The following PDE1C variants were observed in gnomAD, a reference collection of about 807,000 sequenced individuals.
PDE1C encodes phosphodiesterase 1C, also known as dual specificity calcium/calmodulin-dependent 3',5'-cyclic nucleotide phosphodiesterase 1C.
In PDE1C, 62 loss-of-function variants were observed where a neutral mutation model predicts 93.1. The ratio of observed to expected loss-of-function variants is 0.67; its 90% confidence interval spans 0.54 to 0.82. The LOEUF (loss-of-function observed/expected upper bound fraction) is 0.82, where lower values mean the gene tolerates loss of function less well. PDE1C is among the 40% of genes least tolerant of loss of function. PDE1C has a pLI of 0.00. For missense variants in PDE1C, 742 were observed against 884.6 expected, an observed-to-expected ratio of 0.84 and a Z score of 2.04; for synonymous variants, 325 against 310.1, an observed-to-expected ratio of 1.05 and a Z score of -0.50.
chr7:32,146,047 A>G (rs1268113499), intron 3 of PDE1C, among the ~76,000 whole-genome samples: 1 of 152,184 alleles, frequency 6.6e-6, no homozygotes, highest in African/African-American at 2.4e-5. Flanking sequence ...GGTAGTTAGC[A>G]TGGGGGAACT....
intron 3 of PDE1C, among the ~76,000 whole-genome samples, chr7:32,088,896 G>A (rs935936606): frequency 2.0e-5 from 3 of 152,158 alleles, no homozygotes; most frequent in Non-Finnish European, 4.4e-5. Flanking sequence ...TGCCTCCAAG[G>A]GACAGAAGAG....
the PDE1C span, among the ~76,000 whole-genome samples, chr7:31,666,736 C>T: frequency 6.6e-6 from 1 of 152,126 alleles, no homozygotes; most frequent in African/African-American, 2.4e-5. Flanking sequence ...CCTATCACCC[C>T]AAATGTCCCC....
intron 2 of PDE1C, among the ~76,000 whole-genome samples, chr7:31,999,520 GCT>G (rs1785181257): frequency 6.6e-6 from 1 of 152,086 alleles, no homozygotes; most frequent in Non-Finnish European, 1.5e-5. Context: ...GCAAGACCCA[GCT>G]CTCTGACCCT....
At chr7:32,295,826 G>A (rs1482265578) in intron 1 of PDE1C, among the ~76,000 whole-genome samples, 4 of 151,610 alleles carry the variant, frequency 2.6e-5, no homozygotes, top group South Asian at 2.1e-4. Flanking sequence ...CGCGGGAGGC[G>A]GAGCTTGCAG....
the PDE1C span, among the ~76,000 whole-genome samples, chr7:31,730,355 C>A: frequency 6.6e-6 from 1 of 152,148 alleles, no homozygotes; most frequent in Non-Finnish European, 1.5e-5. Context: ...CTTCCCTCTG[C>A]CGTCTCCTCA....
At chr7:32,425,880 T>A (rs1053082343) in intron 1 of PDE1C, among the ~76,000 whole-genome samples, 1 of 151,974 alleles carries the variant, frequency 6.6e-6, no homozygotes, top group Non-Finnish European at 1.5e-5. Flanking sequence ...GGTTGAGGCT[T>A]CAGTAAGCTG....
chr7:32,067,262 A>G lies in PDE1C; in HGVS notation c.101+3031T>C, dbSNP rs75190997. On this transcript the variant is annotated intron_variant, in intron 1 of 17. Coordinates refer to ENST00000396191, the MANE Select transcript of PDE1C (RefSeq NM_001191057.4). The stretch of plus-strand genomic sequence containing the variant: ...AAACAGCTCTATGTTTCAAATATGT[A>G]TTACTGTATACCGGGTGGAAGCGTA... Among the ~76,000 whole-genome samples, 641 of 152,328 alleles carry G rather than the reference A, an allele frequency of 4.2e-3. 7 individuals are homozygous for G. Among genetic ancestry groups the G allele is most frequent in the African/African-American group, 0.015 (617 of 41,564 alleles).
the PDE1C span, chr7:31,697,209 C>A: frequency 6.7e-7 from 1 of 1,486,714 alleles, no homozygotes; most frequent in Non-Finnish European, 9.0e-7. Context: ...GGCCGTTGTC[C>A]TGCCCCAGCA....
At chr7:32,202,550 C>T (rs75222539) in intron 2 of PDE1C, among the ~76,000 whole-genome samples, 11,771 of 152,290 alleles carry the variant, frequency 0.077, 487 homozygotes, top group Middle Eastern at 0.11. Flanking sequence ...ATGAATACAT[C>T]TGTTGACTGA....
At chr7:32,424,844 T>A (rs1324287597) in intron 1 of PDE1C, among the ~76,000 whole-genome samples, 1 of 151,798 alleles carries the variant, frequency 6.6e-6, no homozygotes, top group Non-Finnish European at 1.5e-5. Context: ...AAAATAAAAA[T>A]AAATAAATAA....
At chr7:32,391,723 A>G (rs1315900781) in intron 1 of PDE1C, among the ~76,000 whole-genome samples, 1 of 152,130 alleles carries the variant, frequency 6.6e-6, no homozygotes, top group East Asian at 1.9e-4. Flanking sequence ...ATTAAACAAC[A>G]CGCTTCTAAA....
At chr7:31,669,427 A>G in the PDE1C span, among the ~76,000 whole-genome samples, 1 of 152,196 alleles carries the variant, frequency 6.6e-6, no homozygotes, top group African/African-American at 2.4e-5. Context: ...CTACTCTTAT[A>G]TAATTTGTAT....
intron 1 of PDE1C, among the ~76,000 whole-genome samples, chr7:32,292,531 C>G (rs1224890337): frequency 6.6e-6 from 1 of 152,182 alleles, no homozygotes; most frequent in Non-Finnish European, 1.5e-5. Flanking sequence ...TGCACTATCC[C>G]ATTTGATCTG....
chr7:31,784,763 T>A (rs1783744115), intron 16 of PDE1C: 1 of 152,088 alleles, frequency 6.6e-6, no homozygotes, highest in African/African-American at 2.4e-5. Context: ...TTTTGAAAAT[T>A]TTATAGCATA....
At chr7:32,174,400 A>G (rs984586598) in intron 2 of PDE1C, among the ~76,000 whole-genome samples, 7 of 152,166 alleles carry the variant, frequency 4.6e-5, no homozygotes, top group Non-Finnish European at 8.8e-5. Flanking sequence ...GGGCAAATAG[A>G]GGGCTATGGG....
chr7:32,070,873 T>C (rs1340892935), upstream of PDE1C: 38 of 986,008 alleles, frequency 3.9e-5, no homozygotes, highest in Non-Finnish European at 4.6e-5. Flanking sequence ...GCGCGGGCGG[T>C]GGGGCCTGAC....
rs138161845 is a variant in PDE1C at position 32,088,641 on chromosome 7, G to A, written c.308+81144C>T. Among the ~76,000 whole-genome samples the A allele has an allele frequency of 1.9e-4, 29 of 152,332 alleles. No individual in the cohort carries two copies. In the East Asian group the frequency reaches 5.2e-3, roughly 27 times the overall value. On this transcript the variant is annotated intron_variant, in intron 3 of 18. Transcript: ENST00000396193. Reference sequence around the variant, plus strand: ...GGCGCTCGCAAGGCTGTGTGATGTCGCTGGGTGTTTGCAAAGCAGAGGAAA... The same window carrying A: ...GGCGCTCGCAAGGCTGTGTGATGTCACTGGGTGTTTGCAAAGCAGAGGAAA...
At chr7:31,718,731 A>G in the PDE1C span, among the ~76,000 whole-genome samples, 3 of 152,148 alleles carry the variant, frequency 2.0e-5, no homozygotes, top group Admixed American at 6.5e-5. Flanking sequence ...TGGGATCCAA[A>G]AGGTGGGAAC....
At chr7:31,997,562 T>C (rs1784877216) in intron 2 of PDE1C, among the ~76,000 whole-genome samples, 1 of 152,348 alleles carries the variant, frequency 6.6e-6, no homozygotes, top group Non-Finnish European at 1.5e-5. Flanking sequence ...CTGTCTCTTA[T>C]ACTGACAATG....
Sources: gnomAD v4.1 joint callset for allele counts (sites outside exome capture counted in the v4.1 genomes callset) on GRCh38, gnomAD v4.1.1 for gene constraint, MANE v1.5 for transcripts, NCBI Gene and HGNC (gene_info 2026-07-23, HGNC 2026-07-21) for gene names.